The following RAB33A variants were observed in gnomAD, a reference collection of about 807,000 sequenced individuals.
RAB33A encodes RAB33A, member RAS oncogene family, also known as ras-related protein Rab-33A.
Under a neutral mutation model 12.0 loss-of-function variants are expected in RAB33A, and 6 were observed. That is an observed-to-expected ratio of 0.50 (90% CI 0.27 to 0.99). The LOEUF (loss-of-function observed/expected upper bound fraction) is 0.99. Ranked by LOEUF, RAB33A falls within the 50% of genes least tolerant of loss-of-function variation. The pLI is 0.11. For synonymous variants in RAB33A, 70 were observed against 82.4 expected (o/e 0.85, Z 0.81); for missense variants, 109 against 192.0 (o/e 0.57, Z 2.55).
the RAB33A span, among the ~76,000 whole-genome samples, chrX:130,117,082 C>T: frequency 1.8e-5 from 2 of 111,633 alleles, no homozygotes; most frequent in South Asian, 3.7e-4. Flanking sequence ...GGCGTGGTGG[C>T]GGGCTCCTGT....
rs369467343 is a variant in RAB33A at position 130,184,749 on chromosome X, G to A, written c.*9G>A. The A allele has an allele frequency of 2.4e-5, 29 of 1,196,742 alleles. No homozygotes were observed. Among genetic ancestry groups the A allele is most frequent in the East Asian group, 1.5e-4 (5 of 33,656 alleles). ...CTTCCTGTCCTTGTTGAAACCAAAC[G>A]ATATAAATACAAGATAAATTATCAC... On this transcript the variant is annotated 3_prime_UTR_variant, in exon 2 of 2. Transcript: ENST00000257017.
the RAB33A span, among the ~76,000 whole-genome samples, chrX:130,144,227 C>G: frequency 0.013 from 1,403 of 111,294 alleles, 20 homozygotes; most frequent in African/African-American, 0.044. Context: ...CTCATCATCT[C>G]TTGCCTAGAT....
chrX:130,141,032 C>G, the RAB33A span, among the ~76,000 whole-genome samples: 2 of 112,386 alleles, frequency 1.8e-5, no homozygotes, highest in Admixed American at 9.4e-5. Flanking sequence ...AGGAGAATCG[C>G]TTGAACCTGG....
At chrX:130,165,652 A>G in the RAB33A span, 1 of 1,194,204 alleles carries the variant, frequency 8.4e-7, no homozygotes, top group Non-Finnish European at 1.1e-6. Context: ...TCCACACCGG[A>G]ACATTTCGGC....
the RAB33A span, chrX:130,137,104 T>A: frequency 1.7e-6 from 2 of 1,211,413 alleles, no homozygotes; most frequent in Admixed American, 2.2e-5. Context: ...CATGGTCCAG[T>A]TGCTGAGGTA....
chrX:130,122,025 GA>G, the RAB33A span, among the ~76,000 whole-genome samples: 1 of 112,295 alleles, frequency 8.9e-6, no homozygotes, highest in Non-Finnish European at 1.9e-5. Context: ...GCAGCAAGTC[GA>G]GCCGATCATC....
the RAB33A span, chrX:130,139,941 C>CTTTGTGTGGTGGAGGG: frequency 8.7e-6 from 8 of 917,755 alleles, no homozygotes; most frequent in Non-Finnish European, 1.3e-5. Context: ...CTCCCTCCAC[C>CTTTGTGTGGTGGAGGG]ACACAAAGGT....
At chrX:130,167,607 A>G (rs1037854596), upstream of RAB33A, among the ~76,000 whole-genome samples, 1 of 112,383 alleles carries the variant, frequency 8.9e-6, no homozygotes, top group Non-Finnish European at 1.9e-5. Flanking sequence ...GCCGGGCGCC[A>G]TGGCATGCGC....
upstream of RAB33A, chrX:130,171,919 G>A: frequency 2.8e-6 from 2 of 716,479 alleles, no homozygotes; most frequent in Non-Finnish European, 3.9e-6. Context: ...ACACGGTGCC[G>A]GCGCACGCAC....
chrX:130,183,950 C>T (rs1399537712), intron 1 of RAB33A, among the ~76,000 whole-genome samples: 1 of 111,431 alleles, frequency 9.0e-6, no homozygotes, highest in Non-Finnish European at 1.9e-5. Flanking sequence ...AGTGCAATGG[C>T]GTGATCTCGG....
the RAB33A span, chrX:130,147,798 G>C: frequency 1.6e-6 from 2 of 1,212,150 alleles, no homozygotes; most frequent in Non-Finnish European, 2.2e-6. Flanking sequence ...TGCAGCAAAA[G>C]CAGCTGTGCC....
chrX:130,168,291 T>C (rs1010346508), upstream of RAB33A, among the ~76,000 whole-genome samples: 6 of 106,695 alleles, frequency 5.6e-5, no homozygotes, highest in Admixed American at 4.0e-4. Flanking sequence ...CTCGGCTCAC[T>C]GCAACTTCTG....
At chrX:130,124,370 G>A in the RAB33A span, among the ~76,000 whole-genome samples, 1 of 112,009 alleles carries the variant, frequency 8.9e-6, no homozygotes, top group African/African-American at 3.2e-5. Flanking sequence ...CAATACCTAT[G>A]CTAGATACTC....
In RAB33A at chrX:130,184,266, G is replaced by A. The variant is rs1338238142; in HGVS notation, c.259-19G>A. The A allele has an allele frequency of 8.4e-7, 1 of 1,188,399 alleles. No homozygotes were observed. Among genetic ancestry groups the A allele is most frequent in the East Asian group, 3.0e-5 (1 of 33,707 alleles). On this transcript the variant is annotated intron_variant, in intron 1 of 1. Transcript: ENST00000257017. ...TGTTCCCTTTTCTGACTCCACCTTT[G>A]GGTTTTTGTATCTTCCAGGTTCAGG...
the RAB33A span, chrX:130,156,588 C>T: frequency 6.6e-6 from 8 of 1,209,639 alleles, no homozygotes; most frequent in African/African-American, 3.5e-5. Context: ...AACATGCCAT[C>T]GCTGGAACAA....
chrX:130,117,225 A>G, the RAB33A span, among the ~76,000 whole-genome samples: 1 of 112,127 alleles, frequency 8.9e-6, no homozygotes, highest in Non-Finnish European at 1.9e-5. Context: ...CAAAAAAACA[A>G]AAAAACAAAA....
rs763129241 is a variant in RAB33A, at chrX:130,173,181, T to C, written c.258+861T>C. On this transcript the variant is annotated intron_variant, in intron 1 of 1. Transcript: ENST00000257017. ...TCTGACCATTTGTGCTCACCTTTAA[T>C]TCAGAAAAGGTAGAAACCTGATATG... Among the ~76,000 whole-genome samples the C allele has an allele frequency of 7.1e-5, 8 of 112,151 alleles. No individual in the cohort carries two copies. The East Asian group carries it at 2.2e-3, about 31-fold the overall frequency.
the RAB33A span, among the ~76,000 whole-genome samples, chrX:130,157,751 G>C: frequency 9.1e-6 from 1 of 109,719 alleles, no homozygotes; most frequent in African/African-American, 3.3e-5. Flanking sequence ...CAGATCACGA[G>C]GTCAAGAGAT....
chrX:130,138,454 G>A, the RAB33A span: 20 of 500,260 alleles, frequency 4.0e-5, no homozygotes, highest in South Asian at 1.1e-4. Context: ...GACAGAGCGA[G>A]ACTCCATCTC....
Sources: gnomAD v4.1 joint callset for allele counts (sites outside exome capture counted in the v4.1 genomes callset) on GRCh38, gnomAD v4.1.1 for gene constraint, MANE v1.5 for transcripts, NCBI Gene and HGNC (gene_info 2026-07-23, HGNC 2026-07-21) for gene names.